The following AVEN variants were observed in gnomAD, a reference collection of about 807,000 sequenced individuals.
The protein encoded by AVEN is apoptosis and caspase activation inhibitor, also known as cell death regulator Aven.
A neutral mutation model predicts 38.1 loss-of-function variants in AVEN; 41 were observed. The observed-to-expected ratio is 1.08, with a 90% confidence interval of 0.84 to 1.40. The LOEUF (loss-of-function observed/expected upper bound fraction) is 1.40. AVEN is among the 40% of genes most tolerant of loss of function. AVEN has a pLI of 0.00. For synonymous variants in AVEN, 206 were observed against 171.8 expected (o/e 1.20, Z -1.56); for missense variants, 605 against 438.8 (o/e 1.38, Z -3.38).
Position 34,003,058 on chromosome 15 carries a change from TCTGTTCCC to T in AVEN, c.411_418del (p.Gly138PhefsTer6), listed in dbSNP as rs776255372. On this transcript the variant is annotated frameshift_variant, in exon 2 of 6. Coordinates refer to ENST00000306730, the MANE Select transcript of AVEN (RefSeq NM_020371.3). LOFTEE classifies it high-confidence loss of function. ...TGCAGAGCTAAGGAGGACACTGAAA[TCTGTTCCC>T]CTCTGTGACTCTCCACTTTCATTAT... The T allele has an allele frequency of 6.2e-7, 1 of 1,613,892 alleles. No individual in the cohort carries two copies. The highest frequency in any genetic ancestry group is 8.5e-7 in the Non-Finnish European group (1 of 1,179,870).
At chr15:33,953,286 T>A (rs1894821495) in intron 2 of AVEN, among the ~76,000 whole-genome samples, 1 of 151,906 alleles carries the variant, frequency 6.6e-6, no homozygotes, top group Non-Finnish European at 1.5e-5. Context: ...AAAAAAAAAC[T>A]ACTTTAAAGT....
At chr15:33,878,482 A>T (rs1043871474) in intron 2 of AVEN, among the ~76,000 whole-genome samples, 1 of 152,234 alleles carries the variant, frequency 6.6e-6, no homozygotes, top group Non-Finnish European at 1.5e-5. Context: ...CTCATTTCTC[A>T]GATGTAAAAC....
chr15:33,861,877 G>C (rs946099730), downstream of AVEN, among the ~76,000 whole-genome samples: 2 of 151,924 alleles, frequency 1.3e-5, no homozygotes, highest in African/African-American at 4.8e-5. Context: ...TGCCTGCCTC[G>C]GCCTCTCAGT....
chr15:34,046,088 C>T (rs1567487087), intron 5 of AVEN, among the ~76,000 whole-genome samples: 1 of 152,142 alleles, frequency 6.6e-6, no homozygotes, highest in Non-Finnish European at 1.5e-5. Context: ...TCCCAGATAA[C>T]CACTTATATT....
At chr15:34,055,187 C>T (rs561467301) in intron 5 of AVEN, among the ~76,000 whole-genome samples, 4 of 146,882 alleles carry the variant, frequency 2.7e-5, no homozygotes, top group Non-Finnish European at 4.5e-5. Context: ...AGTGAAACTC[C>T]GTCTCAAAAA....
At position 33,870,993 on chromosome 15, in the gene AVEN, C is replaced by G. The variant is rs1459794445; in HGVS notation, c.554G>C (p.Arg185Pro). Residue 185 changes from arginine (R) to proline (P), a missense_variant, in exon 4 of 6, where the codon CGA (arginine) becomes CCA (proline). By Grantham distance (103) the Arg-to-Pro change is moderately radical. Coordinates refer to ENST00000306730, the MANE Select transcript of AVEN (RefSeq NM_020371.3). ...GCAGAGAGGCAGCTCTTGAAGGGCT[C>G]GAACCAATAACTCACTATCCACATA... ...AFYVDSELLVRALQELPLCLR... is the reference protein window; with the variant it reads ...AFYVDSELLVPALQELPLCLR... The G allele has an allele frequency of 2.5e-6, 4 of 1,608,598 alleles. No homozygotes were observed. The highest frequency in any genetic ancestry group is 1.7e-6 in the Non-Finnish European group (2 of 1,176,988).
intron 1 of AVEN, among the ~76,000 whole-genome samples, chr15:34,006,726 C>A (rs1191443794): frequency 6.6e-6 from 1 of 152,264 alleles, no homozygotes; most frequent in African/African-American, 2.4e-5. Flanking sequence ...GATCTCATTA[C>A]CCCTACACAA....
chr15:34,064,689 A>G, intron 4 of AVEN: 1 of 233,144 alleles, frequency 4.3e-6, no homozygotes, highest in Non-Finnish European at 9.1e-6. Context: ...TCCTGTGGAA[A>G]CCTGTCATAG....
chr15:34,026,352 C>A (rs1898471736), intron 1 of AVEN, among the ~76,000 whole-genome samples: 1 of 152,046 alleles, frequency 6.6e-6, no homozygotes, highest in South Asian at 2.1e-4. Flanking sequence ...AAGCTTTTAA[C>A]CTCAGGGTGT....
chr15:33,927,446 T>C (rs1234346969), intron 2 of AVEN, among the ~76,000 whole-genome samples: 1 of 152,180 alleles, frequency 6.6e-6, no homozygotes, highest in East Asian at 1.9e-4. Context: ...TCAATGATTC[T>C]CCAGTGCCAA....
At chr15:34,028,507 G>A (rs1374396201) in intron 1 of AVEN, among the ~76,000 whole-genome samples, 1 of 152,226 alleles carries the variant, frequency 6.6e-6, no homozygotes, top group Non-Finnish European at 1.5e-5. Flanking sequence ...CAAGGCTTTG[G>A]TGAGCTATCA....
rs114061241 is a variant in AVEN at position 33,974,635 on chromosome 15, C to T, written c.445+28397G>A. Among the ~76,000 whole-genome samples, 1,274 of 152,238 alleles carry T rather than the reference C, an allele frequency of 8.4e-3. 14 individuals are homozygous for T. The highest frequency in any genetic ancestry group is 0.027 in the South Asian group (128 of 4,822). The stretch of plus-strand genomic sequence containing the variant: ...TACATGAATAATGCATGTGTACGTC[C>T]TCACAGAAATCTGTGATTTGATGTT... On this transcript the variant is annotated intron_variant, in intron 2 of 5. Coordinates refer to ENST00000306730, the MANE Select transcript of AVEN (RefSeq NM_020371.3).
intron 2 of AVEN, among the ~76,000 whole-genome samples, chr15:33,943,442 AG>A (rs1894391127): frequency 7.0e-6 from 1 of 143,062 alleles, no homozygotes; most frequent in Non-Finnish European, 1.5e-5. Context: ...GAAGGCTGTC[AG>A]GGGCTGGGAG....
intron 2 of AVEN, among the ~76,000 whole-genome samples, chr15:33,979,168 G>A (rs1009196060): frequency 2.0e-5 from 3 of 152,066 alleles, no homozygotes; most frequent in Non-Finnish European, 4.4e-5. Flanking sequence ...GAGTCACCTC[G>A]TAAACCCCTC....
chr15:33,917,396 A>ACACAC (rs1555506897), intron 2 of AVEN, among the ~76,000 whole-genome samples: 34 of 23,260 alleles, frequency 1.5e-3, no homozygotes, highest in African/African-American at 2.7e-3. Flanking sequence ...ACACACACAC[A>ACACAC]CATGGAATAC....
chr15:34,003,212 G>C lies in AVEN; in HGVS notation c.268-3C>G. ...TCTGCATCGCTGTCATCTTCAACCTGCAATCATTAGAGACAAATCAATAAG... is the reference window on the plus strand; with the variant it reads ...TCTGCATCGCTGTCATCTTCAACCTCCAATCATTAGAGACAAATCAATAAG... On this transcript the variant is annotated splice_polypyrimidine_tract_variant and splice_region_variant and intron_variant, in intron 1 of 5. Transcript: ENST00000306730. The C allele has an allele frequency of 6.2e-7, 1 of 1,612,348 alleles. No individual in the cohort carries two copies. Among genetic ancestry groups the C allele is most frequent in the South Asian group, 1.1e-5 (1 of 90,896 alleles).
intron 2 of AVEN, among the ~76,000 whole-genome samples, chr15:33,934,889 G>T (rs1477955936): frequency 6.6e-6 from 1 of 152,174 alleles, no homozygotes; most frequent in East Asian, 1.9e-4. Flanking sequence ...AAGGGTAAAT[G>T]AGAATTCCTA....
downstream of AVEN, among the ~76,000 whole-genome samples, chr15:33,863,048 G>C (rs1441012864): frequency 1.3e-5 from 2 of 152,120 alleles, no homozygotes; most frequent in African/African-American, 4.8e-5. Context: ...TGTACCCATG[G>C]GTTATAGACC....
chr15:33,928,771 C>T (rs532110009), intron 2 of AVEN, among the ~76,000 whole-genome samples: 1 of 152,274 alleles, frequency 6.6e-6, no homozygotes, highest in East Asian at 1.9e-4. Context: ...GAGGTGCTCC[C>T]AGGCAGGAAG....
Sources: allele counts gnomAD v4.1 joint callset (sites outside exome capture counted in the v4.1 genomes callset), GRCh38; gene constraint gnomAD v4.1.1; transcripts MANE v1.5; gene names NCBI Gene and HGNC (gene_info 2026-07-23, HGNC 2026-07-21).